The following ARHGAP15 variants were observed in gnomAD, a reference collection of about 807,000 sequenced individuals.
ARHGAP15 encodes rho GTPase-activating protein 15.
A neutral mutation model predicts 63.7 loss-of-function variants in ARHGAP15; 51 were observed. That is an observed-to-expected ratio of 0.80 (90% confidence interval 0.64 to 1.01). The LOEUF is 1.01. Among genes scored for constraint, ARHGAP15 ranks in the 50% least tolerant of loss-of-function variants. ARHGAP15 has a pLI of 0.00. For missense variants in ARHGAP15, 560 were observed against 564.6 expected (o/e 0.99, Z 0.08); for synonymous variants, 191 against 193.8 (o/e 0.99, Z 0.12).
chr2:143,592,225 T>A (rs1009217873), intron 11 of ARHGAP15, among the ~76,000 whole-genome samples: 2 of 152,182 alleles, frequency 1.3e-5, no homozygotes, highest in Non-Finnish European at 2.9e-5. Context: ...ATTTATTACT[T>A]TATATGTGTT....
intron 11 of ARHGAP15, among the ~76,000 whole-genome samples, chr2:143,569,349 G>A (rs1357931347): frequency 6.6e-6 from 1 of 152,140 alleles, no homozygotes; most frequent in African/African-American, 2.4e-5. Context: ...AATTTCAGAT[G>A]ATATCAGAAA....
chr2:143,289,459 T>C (rs2105111824), intron 6 of ARHGAP15, among the ~76,000 whole-genome samples: 1 of 152,310 alleles, frequency 6.6e-6, no homozygotes, highest in African/African-American at 2.4e-5. Flanking sequence ...CATTCTGTAT[T>C]CCCTCATGTG....
At chr2:143,607,436 A>G (rs1042630708) in intron 11 of ARHGAP15, 4 of 152,142 alleles carry the variant, frequency 2.6e-5, no homozygotes, top group African/African-American at 4.8e-5. Context: ...AGCCCTGTGA[A>G]TTATTAGCCA....
At chr2:143,376,289 G>A (rs1686804323) in intron 6 of ARHGAP15, among the ~76,000 whole-genome samples, 2 of 152,206 alleles carry the variant, frequency 1.3e-5, no homozygotes, top group South Asian at 4.1e-4. Flanking sequence ...CTGATTGCCA[G>A]AGCATGCTAT....
At chr2:143,216,644 A>G (rs970820741) in intron 4 of ARHGAP15, among the ~76,000 whole-genome samples, 199 bp downstream of exon 4, 1 of 152,236 alleles carries the variant, frequency 6.6e-6, no homozygotes, top group Non-Finnish European at 1.5e-5. Flanking sequence ...ATTGTCGAAC[A>G]GAACACATAA....
chr2:143,314,436 A>G (rs1177994846), intron 6 of ARHGAP15: 1 of 152,210 alleles, frequency 6.6e-6, no homozygotes, highest in Non-Finnish European at 1.5e-5. Context: ...AAAGGCCTCC[A>G]TGATGATTGT....
chr2:143,636,071 CCTTTTT>C (rs781288442), intron 12 of ARHGAP15, among the ~76,000 whole-genome samples: 1 of 152,106 alleles, frequency 6.6e-6, no homozygotes, highest in Non-Finnish European at 1.5e-5. Context: ...TGGCCCCTTT[CCTTTTT>C]CTTCTCACCT....
chr2:143,262,535 A>ATGTTTTTTT (rs1680773924), intron 6 of ARHGAP15, among the ~76,000 whole-genome samples: 1 of 90,924 alleles, frequency 1.1e-5, no homozygotes, highest in Non-Finnish European at 2.1e-5. Context: ...TGAACCTTTG[A>ATGTTTTTTT]TTTTTTTTTT....
At chr2:143,393,951 G>A (rs774973026) in intron 6 of ARHGAP15, among the ~76,000 whole-genome samples, 2 of 152,116 alleles carry the variant, frequency 1.3e-5, no homozygotes, top group African/African-American at 2.4e-5. Context: ...ATTCTTATGA[G>A]CTGGAGGATG....
chr2:143,559,874 A>G (rs1695953606), intron 11 of ARHGAP15, among the ~76,000 whole-genome samples: 1 of 152,244 alleles, frequency 6.6e-6, no homozygotes, highest in South Asian at 2.1e-4. Flanking sequence ...TGAAACATAA[A>G]TGATTTTTGC....
intron 6 of ARHGAP15, among the ~76,000 whole-genome samples, chr2:143,257,948 T>C (rs868857510): frequency 9.2e-5 from 14 of 152,152 alleles, no homozygotes; most frequent in Middle Eastern, 3.2e-3. Flanking sequence ...CTTTTTCATA[T>C]CTGTTTCAAT....
intron 13 of ARHGAP15, among the ~76,000 whole-genome samples, chr2:143,737,743 T>G (rs889119026): frequency 7.8e-4 from 118 of 150,844 alleles, no homozygotes; most frequent in African/African-American, 2.8e-3. Context: ...TATTTATTTA[T>G]TTATTTATTT....
intron 2 of ARHGAP15, among the ~76,000 whole-genome samples, chr2:143,197,622 T>C (rs183542645): frequency 6.6e-6 from 1 of 152,108 alleles, no homozygotes; most frequent in East Asian, 1.9e-4. Context: ...TAAGTCTCAG[T>C]CAACATAATC....
At chr2:143,450,313 TA>T (rs748507195) in intron 8 of ARHGAP15, among the ~76,000 whole-genome samples, 1 of 151,890 alleles carries the variant, frequency 6.6e-6, no homozygotes, top group African/African-American at 2.4e-5. Context: ...GTGGGGTCAT[TA>T]AAATTTCCTT....
Position 143,616,602 on chromosome 2 carries a change from A to G in ARHGAP15, c.1004-7531A>G, listed in dbSNP as rs536016008. On this transcript the variant is annotated intron_variant, in intron 11 of 13. Transcript: ENST00000295095. ...TTAAAGAAAAGTTTTAAAATCTTAG[A>G]AAGTTTGTGGTTACTTCCTTCCTCC... 1.7e-4 allele frequency among the ~76,000 whole-genome samples: 26 copies of G among 152,290 alleles called. No homozygotes were observed. In the South Asian group the frequency reaches 3.9e-3, roughly 23 times the overall value.
At position 143,155,496 on chromosome 2, in the gene ARHGAP15, G is replaced by T; in HGVS notation, c.6G>T (p.Gln2His). ...TATCAGGATAGCACTATAATATGCA[G>T]AAATCTACAAATTCTGATACTTCCG... MQKSTNSDTSVE... is the reference protein window; with the variant it reads MHKSTNSDTSVE... The change falls in exon 2 of 14, where the codon CAG (glutamine) becomes CAT (histidine). Residue 2 changes from glutamine to histidine, a missense_variant. Transcript: ENST00000295095. 6 of 1,606,354 alleles carry T rather than the reference G, an allele frequency of 3.7e-6. No individual in the cohort carries two copies. The highest frequency in any genetic ancestry group is 5.1e-6 in the Non-Finnish European group (6 of 1,176,952).
intron 12 of ARHGAP15, among the ~76,000 whole-genome samples, chr2:143,692,344 A>G (rs1410738066): frequency 6.6e-6 from 1 of 152,212 alleles, no homozygotes; most frequent in African/African-American, 2.4e-5. Flanking sequence ...TGGGAAGCTT[A>G]AAGCGTCTGC....
chr2:143,170,240 T>G (rs1690718739), intron 2 of ARHGAP15, among the ~76,000 whole-genome samples: 1 of 152,164 alleles, frequency 6.6e-6, no homozygotes, highest in Non-Finnish European at 1.5e-5. Flanking sequence ...CCTGTAACAA[T>G]GTCTGCTGAC....
At chr2:143,580,894 A>G (rs1696876082) in intron 11 of ARHGAP15, among the ~76,000 whole-genome samples, 1 of 152,162 alleles carries the variant, frequency 6.6e-6, no homozygotes, top group African/African-American at 2.4e-5. Flanking sequence ...GCCTATAAAT[A>G]ATGGATGTTT....
Sources: gnomAD v4.1 joint callset for allele counts (sites outside exome capture counted in the v4.1 genomes callset) on GRCh38, gnomAD v4.1.1 for gene constraint, MANE v1.5 for transcripts, NCBI Gene and HGNC (gene_info 2026-07-23, HGNC 2026-07-21) for gene names.